Variants in ZNF131 observed in about 807,000 individuals in gnomAD.
The protein encoded by ZNF131 is zinc finger and BTB domain containing 35.
In ZNF131, 7 loss-of-function variants were observed where a neutral mutation model predicts 60.0. That is an observed-to-expected ratio of 0.12 (90% CI 0.07 to 0.22). The LOEUF (loss-of-function observed/expected upper bound fraction) is 0.22, where lower values mean the gene tolerates loss of function less well. ZNF131 is among the 10% of genes least tolerant of loss of function. The pLI is 1.00. For missense variants in ZNF131, 493 were observed against 740.9 expected (o/e 0.67, Z 3.88); for synonymous variants, 257 against 253.2 (o/e 1.01, Z -0.14).
rs747692415 is a variant in ZNF131 at position 43,161,701 on chromosome 5, A to AT, written c.828dup (p.Lys277Ter). On this transcript the variant is annotated frameshift_variant, in exon 5 of 7. Transcript: ENST00000682664. LOFTEE classifies it high-confidence loss of function. ...AACCGTTCATTTAAATTGTTTTACC[A>AT]TTTTAAGGAGCACATGAAATCACAC... 30 of 1,614,108 alleles carry AT rather than the reference A, an allele frequency of 1.9e-5. No homozygotes were observed. The highest frequency in any genetic ancestry group is 2.5e-5 in the Non-Finnish European group (29 of 1,180,024).
At chr5:43,167,759 CTG>C (rs1750539613) in intron 5 of ZNF131, among the ~76,000 whole-genome samples, 1 of 152,200 alleles carries the variant, frequency 6.6e-6, no homozygotes, top group Admixed American at 6.5e-5. Context: ...CATGTGCAAT[CTG>C]TGTAACATGT....
intron 4 of ZNF131, among the ~76,000 whole-genome samples, chr5:43,140,084 TG>T (rs1051701513): frequency 1.7e-4 from 25 of 146,494 alleles, no homozygotes; most frequent in African/African-American, 6.3e-4. Context: ...GGCATGGTAG[TG>T]CATGCCTGTG....
At chr5:43,136,476 CTTTTTT>C (rs70991484) in intron 3 of ZNF131, among the ~76,000 whole-genome samples, 101 of 70,056 alleles carry the variant, frequency 1.4e-3, no homozygotes, top group African/African-American at 4.4e-3. Flanking sequence ...AGGCATCATA[CTTTTTT>C]TTTTTTTTTT....
chr5:43,129,136 A>G (rs1353978680), intron 3 of ZNF131, among the ~76,000 whole-genome samples: 2 of 143,816 alleles, frequency 1.4e-5, no homozygotes, highest in East Asian at 5.1e-4. Context: ...GGGTTTCACC[A>G]TGTTGGCCAG....
At chr5:43,121,466 T>G (rs1448297403) in intron 1 of ZNF131, 1 of 152,468 alleles carries the variant, frequency 6.6e-6, no homozygotes, top group Non-Finnish European at 1.5e-5. Context: ...GTTCCCTTGC[T>G]GGTCGGCGCC....
At chr5:43,168,751 G>A (rs995616368) in intron 5 of ZNF131, among the ~76,000 whole-genome samples, 5 of 152,098 alleles carry the variant, frequency 3.3e-5, no homozygotes, top group Admixed American at 1.3e-4. Context: ...TCTTGGAGTC[G>A]TCCAAACCAG....
chr5:43,148,764 T>C (rs867414541), intron 4 of ZNF131, among the ~76,000 whole-genome samples: 2 of 152,230 alleles, frequency 1.3e-5, no homozygotes, highest in Non-Finnish European at 2.9e-5. Flanking sequence ...AGGTATAATA[T>C]AAGCTGCACA....
In ZNF131 at chr5:43,122,030, C is replaced by T. The variant is rs750609386; in HGVS notation, c.-15-9C>T. Reference sequence around the variant, plus strand: ...CATGGGTGTACATTATCATGCTCTTCTTTTGTAGAGCAGCCCGACGGCCAT... The same window carrying T: ...CATGGGTGTACATTATCATGCTCTTTTTTTGTAGAGCAGCCCGACGGCCAT... On this transcript the variant is annotated splice_polypyrimidine_tract_variant and intron_variant, in intron 1 of 6. Coordinates refer to ENST00000682664, the MANE Select transcript of ZNF131 (RefSeq NM_001330707.2). The T allele has an allele frequency of 1.4e-5, 22 of 1,613,040 alleles. No homozygotes were observed. Among genetic ancestry groups the T allele is most frequent in the Non-Finnish European group, 1.8e-5 (21 of 1,179,698 alleles).
At chr5:43,171,633 T>A (rs1200864353) in intron 5 of ZNF131, among the ~76,000 whole-genome samples, 1 of 151,874 alleles carries the variant, frequency 6.6e-6, no homozygotes, top group Non-Finnish European at 1.5e-5. Flanking sequence ...TATTTATTTA[T>A]TTTTTTTGAG....
intron 4 of ZNF131, among the ~76,000 whole-genome samples, chr5:43,147,733 T>TAAAAAAA (rs1206761067): frequency 2.2e-5 from 3 of 135,414 alleles, no homozygotes; most frequent in Non-Finnish European, 4.8e-5. Flanking sequence ...TTTGGAAGTT[T>TAAAAAAA]AAAAAAAAAA....
intron 4 of ZNF131, among the ~76,000 whole-genome samples, chr5:43,142,123 C>T (rs1341674307): frequency 2.0e-5 from 3 of 151,752 alleles, no homozygotes; most frequent in Non-Finnish European, 4.4e-5. Context: ...GGGTGGATCA[C>T]TAGGTCAGGA....
At chr5:43,135,884 G>A (rs1043760802) in intron 3 of ZNF131, among the ~76,000 whole-genome samples, 2 of 152,168 alleles carry the variant, frequency 1.3e-5, no homozygotes, top group African/African-American at 2.4e-5. Flanking sequence ...TTGGGAGGCC[G>A]AGGCGGGCAT....
At chr5:43,164,524 A>G (rs569434683) in intron 5 of ZNF131, among the ~76,000 whole-genome samples, 36 of 152,350 alleles carry the variant, frequency 2.4e-4, no homozygotes, top group Admixed American at 4.6e-4. Flanking sequence ...CTTTGATAGC[A>G]GTTTCCAATA....
intron 2 of ZNF131, 112 bp downstream of exon 2, chr5:43,122,289 C>T (rs1291172770): frequency 1.5e-6 from 2 of 1,303,204 alleles, no homozygotes; most frequent in Non-Finnish European, 2.1e-6. Context: ...TCTATGGTCT[C>T]CCTACCAAAG....
chr5:43,126,716 G>A (rs146636981), intron 3 of ZNF131, among the ~76,000 whole-genome samples: 100 of 152,250 alleles, frequency 6.6e-4, no homozygotes, highest in Middle Eastern at 6.8e-3. Context: ...TCCGATCATC[G>A]TCTTTTTCCT....
chr5:43,128,876 A>G (rs1031447043), intron 3 of ZNF131, among the ~76,000 whole-genome samples: 8 of 151,928 alleles, frequency 5.3e-5, no homozygotes, highest in Non-Finnish European at 1.0e-4. Flanking sequence ...TCAGCCTTCT[A>G]ACTACAAGCA....
intron 4 of ZNF131, among the ~76,000 whole-genome samples, chr5:43,139,625 C>T (rs1285039613): frequency 6.6e-6 from 1 of 152,108 alleles, no homozygotes; most frequent in African/African-American, 2.4e-5. Context: ...TATACCAAGC[C>T]TTATCCTACA....
At position 43,166,360 on chromosome 5, in the gene ZNF131, G is replaced by A. The variant is rs146725320; in HGVS notation, c.1054+4429G>A. Among the ~76,000 whole-genome samples the A allele has an allele frequency of 8.0e-5, 12 of 150,796 alleles. No individual in the cohort carries two copies. In the East Asian group the frequency reaches 2.1e-3, roughly 27 times the overall value. ...TTTTGATTTGAAGTGAGAGACAAGT[G>A]ACTCTTTTTTTTTTTTTGGAGACAG... is the stretch of plus-strand genomic sequence containing the variant. On this transcript the variant is annotated intron_variant, in intron 5 of 6. Coordinates refer to ENST00000682664, the MANE Select transcript of ZNF131 (RefSeq NM_001330707.2).
intron 4 of ZNF131, among the ~76,000 whole-genome samples, chr5:43,158,248 G>A (rs1257818757): frequency 3.9e-5 from 6 of 151,976 alleles, no homozygotes; most frequent in East Asian, 1.9e-4. Context: ...GATTACAGGC[G>A]TGAGCCACTG....
Sources: gnomAD v4.1 joint callset for allele counts (sites outside exome capture counted in the v4.1 genomes callset) on GRCh38, gnomAD v4.1.1 for gene constraint, MANE v1.5 for transcripts, NCBI Gene and HGNC (gene_info 2026-07-23, HGNC 2026-07-21) for gene names.